Variants in UNC13C observed in about 807,000 individuals in gnomAD.
UNC13C encodes protein unc-13 homolog C.
Under a neutral mutation model 245.4 loss-of-function variants are expected in UNC13C, and 174 were observed. That is an observed-to-expected ratio of 0.71 (90% CI 0.63 to 0.80). The LOEUF is 0.80. UNC13C is among the 30% of genes least tolerant of loss of function. The probability of loss-of-function intolerance (pLI) is 0.00; values close to 1 mark genes in which losing one functional copy is unlikely to be tolerated. For synonymous variants in UNC13C, 992 were observed against 895.1 expected, an observed-to-expected ratio of 1.11 and a Z score of -1.93; for missense variants, 2,829 against 2,602.9, an observed-to-expected ratio of 1.09 and a Z score of -1.89.
chr15:54,160,564 C>A (rs1316638627), intron 4 of UNC13C, among the ~76,000 whole-genome samples: 1 of 151,924 alleles, frequency 6.6e-6, no homozygotes, highest in Non-Finnish European at 1.5e-5. Context: ...AAATAGAATT[C>A]ATGATCTTCA....
chr15:53,891,938 G>T, the UNC13C span, among the ~76,000 whole-genome samples: 1 of 152,216 alleles, frequency 6.6e-6, no homozygotes, highest in African/African-American at 2.4e-5. Flanking sequence ...ATTAGTTGAT[G>T]CAGTTTCTTC....
chr15:54,318,677 C>T (rs771413390), intron 13 of UNC13C, among the ~76,000 whole-genome samples: 1 of 151,766 alleles, frequency 6.6e-6, no homozygotes, highest in Non-Finnish European at 1.5e-5. Flanking sequence ...TTACAGTTGA[C>T]AGTTGATATT....
At chr15:54,472,096 A>T (rs1892494037) in intron 19 of UNC13C, among the ~76,000 whole-genome samples, 1 of 151,510 alleles carries the variant, frequency 6.6e-6, no homozygotes. Context: ...TATGCTTTGG[A>T]TCTTTCCTTT....
At chr15:54,484,908 T>C (rs1326892241) in intron 19 of UNC13C, among the ~76,000 whole-genome samples, 2 of 152,166 alleles carry the variant, frequency 1.3e-5, no homozygotes, top group Non-Finnish European at 2.9e-5. Flanking sequence ...AATAAAAAAC[T>C]ATAAGTAATG....
At position 54,194,406 on chromosome 15, in the gene UNC13C, G is replaced by A. The variant is rs112903386; in HGVS notation, c.3072-40624G>A. 6.1e-3 allele frequency among the ~76,000 whole-genome samples: 923 copies of A among 152,150 alleles called. 56 individuals carry two copies. The East Asian group carries it at 0.11, about 18-fold the overall frequency. On this transcript the variant is annotated intron_variant, in intron 4 of 32. Coordinates refer to ENST00000260323, the MANE Select transcript of UNC13C (RefSeq NM_001080534.3). Reference sequence around the variant, plus strand: ...TGTAGAATATTTTTTATTCTTCAAAGTTCTTGGACATTATTTGTGGCAAGG... The same window carrying A: ...TGTAGAATATTTTTTATTCTTCAAAATTCTTGGACATTATTTGTGGCAAGG...
chr15:54,147,911 A>T (rs942577825), intron 4 of UNC13C, among the ~76,000 whole-genome samples: 7 of 151,986 alleles, frequency 4.6e-5, no homozygotes, highest in Admixed American at 1.3e-4. Context: ...TTTGAGGAGG[A>T]TATTATCATC....
chr15:54,532,795 G>C (rs1307033873), intron 25 of UNC13C, 122 bp from the exon 26 acceptor site: 3 of 648,840 alleles, frequency 4.6e-6, no homozygotes, highest in Non-Finnish European at 7.6e-6. Flanking sequence ...CATTGAATTC[G>C]AAAACTCATG....
At chr15:54,069,362 G>C (rs1350863284) in intron 2 of UNC13C, among the ~76,000 whole-genome samples, 1 of 152,106 alleles carries the variant, frequency 6.6e-6, no homozygotes, top group Non-Finnish European at 1.5e-5. Flanking sequence ...CACAGTGACT[G>C]GAGTCTTCTC....
At chr15:54,155,068 A>G (rs2032684594) in intron 4 of UNC13C, among the ~76,000 whole-genome samples, 1 of 152,234 alleles carries the variant, frequency 6.6e-6, no homozygotes, top group Admixed American at 6.5e-5. Flanking sequence ...ATATTCTATC[A>G]TAATATAGTA....
intron 4 of UNC13C, among the ~76,000 whole-genome samples, chr15:54,190,709 A>G (rs1024468798): frequency 1.3e-5 from 2 of 151,994 alleles, no homozygotes; most frequent in African/African-American, 4.8e-5. Flanking sequence ...ATTATTTTTT[A>G]TGTGTCCCAT....
chr15:53,852,889 A>C, the UNC13C span, among the ~76,000 whole-genome samples: 1 of 152,194 alleles, frequency 6.6e-6, no homozygotes, highest in Non-Finnish European at 1.5e-5. Context: ...TGGTGAAAGA[A>C]AGAAAAATGT....
chr15:54,176,791 G>T (rs565159381), intron 4 of UNC13C, among the ~76,000 whole-genome samples: 3 of 151,990 alleles, frequency 2.0e-5, no homozygotes, highest in African/African-American at 4.8e-5. Flanking sequence ...TAAAGTTTTG[G>T]TTCACTATGT....
In UNC13C at chr15:54,338,361, G is replaced by A; in HGVS notation, c.4585G>A (p.Val1529Ile). Residue 1529 changes from valine (V) to isoleucine (I), a missense_variant and splice_region_variant, in exon 17 of 33, where the codon GTT becomes ATT. Val to Ile is a conservative substitution (Grantham distance 29). Coordinates refer to ENST00000260323, the MANE Select transcript of UNC13C (RefSeq NM_001080534.3). ...GAAAATAAATGTCTGTCTTTGTCAG[G>A]TTCTGGAGCTGCAAAGCCCCCCAAA... is the stretch of plus-strand genomic sequence containing the variant. ...LTSITFFRMK[V>I]LELQSPPKAS... The A allele has an allele frequency of 6.3e-7, 1 of 1,587,952 alleles. No homozygotes were observed. Among genetic ancestry groups the A allele is most frequent in the Non-Finnish European group, 8.6e-7 (1 of 1,164,700 alleles).
chr15:54,444,883 G>A (rs1451486125), intron 19 of UNC13C, among the ~76,000 whole-genome samples: 1 of 151,776 alleles, frequency 6.6e-6, no homozygotes, highest in East Asian at 1.9e-4. Flanking sequence ...TGTTACATAT[G>A]TATACATGTG....
At chr15:54,368,754 G>C (rs2140878700) in intron 17 of UNC13C, among the ~76,000 whole-genome samples, 1 of 152,172 alleles carries the variant, frequency 6.6e-6, no homozygotes, top group African/African-American at 2.4e-5. Flanking sequence ...GAGAGATTTT[G>C]CTTTTTGTTT....
chr15:54,053,937 T>C (rs1897383635), intron 2 of UNC13C, among the ~76,000 whole-genome samples: 3 of 152,208 alleles, frequency 2.0e-5, no homozygotes, highest in Admixed American at 1.3e-4. Flanking sequence ...ATAGTGACTT[T>C]CAGTTCTATT....
chr15:54,413,952 T>A (rs1251067637), intron 18 of UNC13C, among the ~76,000 whole-genome samples: 1 of 152,156 alleles, frequency 6.6e-6, no homozygotes. Flanking sequence ...ATGGAGTGAG[T>A]GTTTACACTG....
chr15:54,455,523 C>CTTTTTTTTT (rs376576049), intron 19 of UNC13C, among the ~76,000 whole-genome samples: 1 of 126,894 alleles, frequency 7.9e-6, no homozygotes. Flanking sequence ...CCAACATCTG[C>CTTTTTTTTT]TTTTTTTTTT....
At chr15:54,301,737 T>A (rs2037588415) in intron 13 of UNC13C, among the ~76,000 whole-genome samples, 1 of 152,186 alleles carries the variant, frequency 6.6e-6, no homozygotes, top group Non-Finnish European at 1.5e-5. Flanking sequence ...TGAACAGTGC[T>A]GTGATAAACA....
Sources: allele counts gnomAD v4.1 joint callset (sites outside exome capture counted in the v4.1 genomes callset), GRCh38; gene constraint gnomAD v4.1.1; transcripts MANE v1.5; gene names NCBI Gene and HGNC (gene_info 2026-07-23, HGNC 2026-07-21).